Variants in STXBP6 observed in about 807,000 individuals in gnomAD.
STXBP6 encodes the protein syntaxin binding protein 6, also known as syntaxin-binding protein 6.
STXBP6 carries 21 observed loss-of-function variants against 26.9 expected under a neutral mutation model. The observed-to-expected ratio is 0.78, with a 90% CI of 0.55 to 1.12. STXBP6 has a LOEUF of 1.12. Ranked by LOEUF, STXBP6 falls within the 50% of genes most tolerant of loss-of-function variation. The pLI is 0.00. For missense variants in STXBP6, 232 were observed against 257.9 expected (o/e 0.90, Z 0.69); for synonymous variants, 97 against 92.6 (o/e 1.05, Z -0.27).
chr14:24,930,413 A>C (rs1204666794), intron 2 of STXBP6, among the ~76,000 whole-genome samples: 1 of 152,242 alleles, frequency 6.6e-6, no homozygotes, highest in Non-Finnish European at 1.5e-5. Flanking sequence ...TTTTATGAAC[A>C]ACATTTTTAC....
At chr14:24,874,825 G>A (rs568574342) in intron 2 of STXBP6, among the ~76,000 whole-genome samples, 1 of 151,978 alleles carries the variant, frequency 6.6e-6, no homozygotes, top group Non-Finnish European at 1.5e-5. Flanking sequence ...ATTACACATC[G>A]ACCGGCTGTC....
At chr14:25,013,178 C>A (rs2075068507) in intron 1 of STXBP6, among the ~76,000 whole-genome samples, 1 of 152,170 alleles carries the variant, frequency 6.6e-6, no homozygotes, top group Non-Finnish European at 1.5e-5. Flanking sequence ...ACCAATTTCT[C>A]TTTTTCTCTT....
At chr14:24,903,229 CTGTTT>C (rs1232626574) in intron 2 of STXBP6, among the ~76,000 whole-genome samples, 2 of 152,068 alleles carry the variant, frequency 1.3e-5, no homozygotes, top group Non-Finnish European at 2.9e-5. Flanking sequence ...TGATTATTCT[CTGTTT>C]TGTTTGTTTG....
In STXBP6 at chr14:24,988,135, C is replaced by T. The variant is rs144828791; in HGVS notation, c.-32-13285G>A. On this transcript the variant is annotated intron_variant, in intron 1 of 5. Transcript: ENST00000323944. ...CACCAGATAGAGAAATCACATAATG[C>T]GGGGCCAAAGTGCTCCTAGACTTCT... Among the ~76,000 whole-genome samples, 1,319 of 152,308 alleles carry T rather than the reference C, an allele frequency of 8.7e-3. 9 individuals are homozygous for T. The highest frequency in any genetic ancestry group is 0.024 in the Middle Eastern group (7 of 294).
intron 1 of STXBP6, among the ~76,000 whole-genome samples, chr14:24,975,765 C>G (rs968135414): frequency 1.3e-5 from 2 of 152,178 alleles, no homozygotes; most frequent in African/African-American, 2.4e-5. Flanking sequence ...GGTCTTAACT[C>G]TGCTTATTTA....
intron 1 of STXBP6, among the ~76,000 whole-genome samples, chr14:25,001,301 T>C (rs1468073833): frequency 6.6e-6 from 1 of 152,214 alleles, no homozygotes; most frequent in Non-Finnish European, 1.5e-5. Flanking sequence ...AATTCATACA[T>C]ACAGGGCATT....
intron 1 of STXBP6, among the ~76,000 whole-genome samples, chr14:25,033,038 T>C (rs915457711): frequency 1.3e-5 from 2 of 152,206 alleles, no homozygotes; most frequent in Admixed American, 6.5e-5. Context: ...CTCCTCCTGT[T>C]CTAATCCATC....
chr14:24,834,390 TAA>T (rs1276765763), intron 4 of STXBP6, among the ~76,000 whole-genome samples: 1 of 152,240 alleles, frequency 6.6e-6, no homozygotes, highest in African/African-American at 2.4e-5. Context: ...TCTGCCAATT[TAA>T]AAATATTTAG....
At chr14:24,894,618 C>G (rs1320202572) in intron 2 of STXBP6, among the ~76,000 whole-genome samples, 1 of 152,126 alleles carries the variant, frequency 6.6e-6, no homozygotes, top group African/African-American at 2.4e-5. Flanking sequence ...ATATTTATCA[C>G]CTGAGAGTTT....
At chr14:24,950,910 C>G (rs576577783) in intron 2 of STXBP6, among the ~76,000 whole-genome samples, 1 of 151,884 alleles carries the variant, frequency 6.6e-6, no homozygotes, top group Non-Finnish European at 1.5e-5. Context: ...TCCCGACAGG[C>G]CCCCCGTGTG....
chr14:24,895,973 G>C (rs2070976233), intron 2 of STXBP6, among the ~76,000 whole-genome samples: 1 of 152,210 alleles, frequency 6.6e-6, no homozygotes, highest in African/African-American at 2.4e-5. Flanking sequence ...TATTGTGTTT[G>C]TCAAAATCAT....
intron 2 of STXBP6, among the ~76,000 whole-genome samples, chr14:24,877,107 T>G (rs972899155): frequency 1.3e-5 from 2 of 152,178 alleles, no homozygotes; most frequent in African/African-American, 2.4e-5. Context: ...TTTATTAATA[T>G]AGCGTGGTTA....
chr14:24,983,339 T>C (rs1417969328), intron 1 of STXBP6, among the ~76,000 whole-genome samples: 4 of 152,218 alleles, frequency 2.6e-5, no homozygotes, highest in Non-Finnish European at 5.9e-5. Flanking sequence ...ATATGTTGAC[T>C]TGAGAACATC....
intron 2 of STXBP6, among the ~76,000 whole-genome samples, chr14:24,862,302 C>A (rs1031462909): frequency 6.6e-6 from 1 of 152,218 alleles, no homozygotes; most frequent in African/African-American, 2.4e-5. Flanking sequence ...CCGACCTAAA[C>A]CTGGATGTTT....
intron 2 of STXBP6, among the ~76,000 whole-genome samples, chr14:24,935,034 C>T (rs1166977521): frequency 1.3e-5 from 2 of 152,054 alleles, no homozygotes; most frequent in Non-Finnish European, 1.5e-5. Flanking sequence ...GAATACGAAA[C>T]GAAGGTACAG....
chr14:24,869,643 C>G (rs564234012), intron 2 of STXBP6, among the ~76,000 whole-genome samples: 1 of 152,216 alleles, frequency 6.6e-6, no homozygotes, highest in East Asian at 1.9e-4. Flanking sequence ...GGGGATAAAC[C>G]GTTTTAAGGA....
In STXBP6 at chr14:24,857,141, G is replaced by T. The variant is rs538683952; in HGVS notation, c.171C>A (p.Pro57=). 3.1e-6 allele frequency: 5 copies of T among 1,612,898 alleles called. No homozygotes were observed. In the South Asian group the frequency reaches 5.5e-5, roughly 18 times the overall value. Reference sequence around the variant, plus strand: ...TGACCTTTGTGATGGACGCCTGTGTGGGTTTCTTGTTTGTCACTGCCAAGA... The same window carrying T: ...TGACCTTTGTGATGGACGCCTGTGTTGGTTTCTTGTTTGTCACTGCCAAGA... ...YICLSVTNKK[P]TQASITKVKQ... The change falls in exon 3 of 6, where the codon CCC becomes CCA. Residue 57 remains proline (P), a synonymous_variant. Coordinates refer to ENST00000323944, the MANE Select transcript of STXBP6 (RefSeq NM_001394410.1).
chr14:25,039,232 AG>A (rs2075602927), intron 1 of STXBP6, among the ~76,000 whole-genome samples: 1 of 151,970 alleles, frequency 6.6e-6, no homozygotes, highest in African/African-American at 2.4e-5. Flanking sequence ...AGTATAAATT[AG>A]GGGGTTAATA....
intron 2 of STXBP6, among the ~76,000 whole-genome samples, chr14:24,899,261 CTTGTCTTCCCCT>C (rs1279341569): frequency 6.6e-6 from 1 of 152,156 alleles, no homozygotes; most frequent in Non-Finnish European, 1.5e-5. Context: ...TCAATAGTAA[CTTGTCTTCCCCT>C]TTATTCCAGT....
Sources: gnomAD v4.1 joint callset for allele counts (sites outside exome capture counted in the v4.1 genomes callset) on GRCh38, gnomAD v4.1.1 for gene constraint, MANE v1.5 for transcripts, NCBI Gene and HGNC (gene_info 2026-07-23, HGNC 2026-07-21) for gene names.